Variants in KCNIP4 observed in about 807,000 individuals in gnomAD.
KCNIP4 encodes Kv channel-interacting protein 4.
KCNIP4 carries 12 observed loss-of-function variants against 34.0 expected under a neutral mutation model. The observed-to-expected ratio is 0.35, with a 90% CI of 0.23 to 0.57. The LOEUF (loss-of-function observed/expected upper bound fraction) is 0.57, where lower values mean the gene tolerates loss of function less well. KCNIP4 is among the 20% of genes least tolerant of loss of function. The pLI is 0.83. For missense variants in KCNIP4, 238 were observed against 311.7 expected (o/e 0.76, Z 1.78); for synonymous variants, 124 against 102.2 (o/e 1.21, Z -1.29).
chr4:21,380,452 A>AGG (rs1721383140), intron 1 of KCNIP4, among the ~76,000 whole-genome samples: 1 of 129,442 alleles, frequency 7.7e-6, no homozygotes. Flanking sequence ...AGGGAGAGGG[A>AGG]GAGGGGGAGA....
At chr4:21,493,291 C>T (rs1220447725) in intron 1 of KCNIP4, among the ~76,000 whole-genome samples, 1 of 152,058 alleles carries the variant, frequency 6.6e-6, no homozygotes, top group Non-Finnish European at 1.5e-5. Flanking sequence ...GCCCTCTTAG[C>T]TGAAGTGCCA....
At chr4:21,673,743 C>CTA (rs1749673641) in intron 1 of KCNIP4, among the ~76,000 whole-genome samples, 1 of 152,120 alleles carries the variant, frequency 6.6e-6, no homozygotes, top group Admixed American at 6.6e-5. Flanking sequence ...GGGTAATGAA[C>CTA]TATGCTCCTG....
intron 1 of KCNIP4, among the ~76,000 whole-genome samples, chr4:21,879,924 A>G (rs1003231865): frequency 7.2e-5 from 11 of 151,888 alleles, no homozygotes; most frequent in Non-Finnish European, 1.2e-4. Context: ...TTTTTTCCCC[A>G]CTTTCACTCT....
At chr4:21,547,965 T>C (rs751942999) in intron 1 of KCNIP4, among the ~76,000 whole-genome samples, 1 of 152,152 alleles carries the variant, frequency 6.6e-6, no homozygotes, top group Non-Finnish European at 1.5e-5. Flanking sequence ...CAACCACCCA[T>C]GTGGACAATC....
rs1030760409 is a variant in KCNIP4, at chr4:20,730,022, A to G, written c.*60T>C. On this transcript the variant is annotated 3_prime_UTR_variant, in exon 9 of 9. Coordinates refer to ENST00000382152, the MANE Select transcript of KCNIP4 (RefSeq NM_025221.6). Reference sequence around the variant, plus strand: ...ATCTATGCTAAAAGTGGTAGCTCCAACTTTAAGGGTGGTAGAATAGTTCAC... The same window carrying G: ...ATCTATGCTAAAAGTGGTAGCTCCAGCTTTAAGGGTGGTAGAATAGTTCAC... 7.7e-6 allele frequency: 12 copies of G among 1,550,004 alleles called. No individual in the cohort carries two copies. Among genetic ancestry groups the G allele is most frequent in the Non-Finnish European group, 7.8e-6 (9 of 1,151,186 alleles).
chr4:21,572,827 A>G (rs758303569), intron 1 of KCNIP4, among the ~76,000 whole-genome samples: 1 of 152,018 alleles, frequency 6.6e-6, no homozygotes, highest in Non-Finnish European at 1.5e-5. Context: ...GGGTTTCTCC[A>G]TGTTGGCCAG....
At chr4:21,389,868 A>T (rs13117134) in intron 1 of KCNIP4, among the ~76,000 whole-genome samples, 113,633 of 151,882 alleles carry the variant, frequency 0.75, 44,809 homozygotes, top group Non-Finnish European at 0.89. Context: ...ATCCTTGAGG[A>T]ATCGCCACAC....
chr4:20,984,804 G>A (rs914519471), intron 1 of KCNIP4, among the ~76,000 whole-genome samples: 8 of 152,170 alleles, frequency 5.3e-5, no homozygotes, highest in Admixed American at 1.3e-4. Context: ...GTCCTTTAAA[G>A]TCTGGCCTCA....
intron 1 of KCNIP4, among the ~76,000 whole-genome samples, chr4:21,760,128 T>C (rs1431376651): frequency 6.6e-6 from 1 of 152,048 alleles, no homozygotes; most frequent in Non-Finnish European, 1.5e-5. Context: ...TGCAGCTCAA[T>C]TACTCATGGT....
intron 1 of KCNIP4, among the ~76,000 whole-genome samples, chr4:21,362,466 T>C (rs1280886457): frequency 6.6e-6 from 1 of 152,076 alleles, no homozygotes; most frequent in Admixed American, 6.6e-5. Flanking sequence ...AGCTTTGGAG[T>C]CTAAGACATG....
chr4:21,060,753 A>G (rs1218518336), intron 1 of KCNIP4, among the ~76,000 whole-genome samples: 2 of 152,340 alleles, frequency 1.3e-5, no homozygotes, highest in Admixed American at 1.3e-4. Context: ...TGCTGAAGCA[A>G]TAGCTGGGAA....
intron 1 of KCNIP4, among the ~76,000 whole-genome samples, chr4:21,785,056 C>T (rs556410005): frequency 3.3e-5 from 5 of 152,240 alleles, no homozygotes; most frequent in South Asian, 2.1e-4. Context: ...TTAAACTACA[C>T]GTACAGCAGT....
intron 1 of KCNIP4, among the ~76,000 whole-genome samples, chr4:21,694,914 C>CAAAAAAAAAAAAAAA (rs368053041): frequency 2.8e-4 from 13 of 46,500 alleles, no homozygotes; most frequent in African/African-American, 7.2e-4. Flanking sequence ...CACGATTGAC[C>CAAAAAAAAAAAAAAA]AAAAAAAAAA....
chr4:20,886,737 A>C (rs1241668368), intron 1 of KCNIP4, among the ~76,000 whole-genome samples: 1 of 152,224 alleles, frequency 6.6e-6, no homozygotes, highest in Non-Finnish European at 1.5e-5. Context: ...GTAATAGCCA[A>C]AGTTGACTGA....
intron 1 of KCNIP4, among the ~76,000 whole-genome samples, chr4:21,927,095 T>A (rs761330401): frequency 2.6e-5 from 4 of 152,154 alleles, no homozygotes; most frequent in African/African-American, 7.2e-5. Context: ...TGGGCCTGTG[T>A]TCCCCTTCTA....
At chr4:21,684,228 C>A (rs1425067625) in intron 1 of KCNIP4, among the ~76,000 whole-genome samples, 2 of 152,148 alleles carry the variant, frequency 1.3e-5, no homozygotes, top group African/African-American at 2.4e-5. Flanking sequence ...TACCTGAATT[C>A]TTATGCGTTT....
chr4:21,333,769 C>G (rs1715887058), intron 1 of KCNIP4, among the ~76,000 whole-genome samples: 1 of 152,004 alleles, frequency 6.6e-6, no homozygotes, highest in South Asian at 2.1e-4. Context: ...CAATAAAAAT[C>G]TTCTACATAA....
At chr4:20,949,876 G>A (rs1732592818) in intron 1 of KCNIP4, among the ~76,000 whole-genome samples, 1 of 103,098 alleles carries the variant, frequency 9.7e-6, no homozygotes, top group Non-Finnish European at 1.9e-5. Flanking sequence ...GGGGAGGGGG[G>A]AGGGATAGCA....
At chr4:21,941,120 C>A (rs2109019549) in intron 1 of KCNIP4, among the ~76,000 whole-genome samples, 1 of 152,244 alleles carries the variant, frequency 6.6e-6, no homozygotes, top group South Asian at 2.1e-4. Context: ...GGCAGAATAT[C>A]TATTTGGAGA....
Sources: gnomAD v4.1 joint callset for allele counts (sites outside exome capture counted in the v4.1 genomes callset) on GRCh38, gnomAD v4.1.1 for gene constraint, MANE v1.5 for transcripts, NCBI Gene and HGNC (gene_info 2026-07-23, HGNC 2026-07-21) for gene names.